The following SYNCRIP variants were observed in gnomAD, a reference collection of about 807,000 sequenced individuals.
SYNCRIP encodes the protein heterogeneous nuclear ribonucleoprotein Q.
Under a neutral mutation model 68.9 loss-of-function variants are expected in SYNCRIP, and 9 were observed. The observed-to-expected ratio is 0.13, with a 90% CI of 0.08 to 0.23. SYNCRIP has a LOEUF of 0.23. Ranked by LOEUF, SYNCRIP falls within the 10% of genes least tolerant of loss-of-function variation. The probability of loss-of-function intolerance (pLI) is 1.00; values close to 1 mark genes in which losing one functional copy is unlikely to be tolerated. For missense variants in SYNCRIP, 414 were observed against 770.6 expected (o/e 0.54, Z 5.48); for synonymous variants, 258 against 254.0 (o/e 1.02, Z -0.15).
intron 2 of SYNCRIP, among the ~76,000 whole-genome samples, chr6:85,640,837 A>T (rs902360989): frequency 3.9e-5 from 6 of 151,932 alleles, no homozygotes; most frequent in Admixed American, 3.3e-4. Flanking sequence ...TTTTTACAGT[A>T]TACAGACTTA....
rs1562109981 is a variant in SYNCRIP, at chr6:85,637,056, G to C, written c.577C>G (p.Leu193Val). 1 of 1,614,128 alleles carries C rather than the reference G, an allele frequency of 6.2e-7. No homozygotes were observed. The highest frequency in any genetic ancestry group is 8.5e-7 in the Non-Finnish European group (1 of 1,180,012). Residue 193 changes from leucine to valine, a missense_variant, in exon 6 of 11, where the codon CTA (leucine) becomes GTA (valine). Physicochemically the swap from Leu to Val is conservative, Grantham distance 32. Around this residue, in one of 6 missense-constraint regions of SYNCRIP, gnomAD observed 110 missense variants for 269.3 expected, o/e 0.41. Coordinates refer to ENST00000369622, the MANE Select transcript of SYNCRIP (RefSeq NM_006372.5). Reference protein sequence around the residue: ...EKAGPIWDLRLMMDPLTGLNR... With the variant: ...EKAGPIWDLRVMMDPLTGLNR... ...AGACCAGTGAGTGGATCCATCATTAGACGAAGATCCCATATAGGTCCAGCT... is the reference window on the plus strand; with the variant it reads ...AGACCAGTGAGTGGATCCATCATTACACGAAGATCCCATATAGGTCCAGCT...
chr6:85,615,005 A>ACCT lies in SYNCRIP; in HGVS notation c.1620_1622dup (p.Gly541dup). ...CCCCGCGGCCTCTTTGTTGTTGGGC[A>ACCT]CCTCCTCTCGCACCTCGAACGCCTC... On this transcript the variant is annotated inframe_insertion, in exon 11 of 11. Transcript: ENST00000369622. 1 of 1,613,146 alleles carries ACCT rather than the reference A, an allele frequency of 6.2e-7. No homozygotes were observed. Among genetic ancestry groups the ACCT allele is most frequent in the Non-Finnish European group, 8.5e-7 (1 of 1,179,702 alleles).
chr6:85,607,830 A>G (rs1804957060), downstream of SYNCRIP: 1 of 152,118 alleles, frequency 6.6e-6, no homozygotes, highest in Non-Finnish European at 1.5e-5. Context: ...CTCAAAGTCA[A>G]ACTTCCAGGA....
chr6:85,610,176 T>A (rs1805133958), downstream of SYNCRIP: 2 of 151,880 alleles, frequency 1.3e-5, no homozygotes, highest in Admixed American at 6.6e-5. Context: ...AATACCACAG[T>A]TAGTATTTCT....
chr6:85,608,242 A>G (rs1804983115), downstream of SYNCRIP: 1 of 152,096 alleles, frequency 6.6e-6, no homozygotes, highest in Admixed American at 6.5e-5. Flanking sequence ...ACCTCTAAAG[A>G]TTCCAAGTGT....
intron 6 of SYNCRIP, among the ~76,000 whole-genome samples, chr6:85,625,931 G>A (rs1806983404): frequency 6.6e-6 from 1 of 152,134 alleles, no homozygotes; most frequent in African/African-American, 2.4e-5. Flanking sequence ...GAAAGAAGTG[G>A]GGACTTGCTG....
rs1305059970 is a variant in SYNCRIP at position 85,614,447 on chromosome 6, C to G, written c.*309G>C. 2 of 1,055,044 alleles carry G rather than the reference C, an allele frequency of 1.9e-6. No homozygotes were observed. The highest frequency in any genetic ancestry group is 1.5e-4 in the East Asian group (2 of 13,762). The allele number at this position is 1,055,044 out of a possible 1,614,324, so 65.4% of individuals were successfully genotyped here. ...TACCTTTGAAGACACCAAATCTAAA[C>G]ACTACTGGAAACATCGTTGACACTA... On this transcript the variant is annotated 3_prime_UTR_variant, in exon 11 of 11. Coordinates refer to ENST00000369622, the MANE Select transcript of SYNCRIP (RefSeq NM_006372.5).
chr6:85,627,882 C>A (rs868537108), intron 6 of SYNCRIP, among the ~76,000 whole-genome samples: 4 of 152,156 alleles, frequency 2.6e-5, no homozygotes, highest in African/African-American at 9.7e-5. Flanking sequence ...CAGTCTGGAA[C>A]GTTCCTGTCA....
At chr6:85,638,006 T>A (rs990753617) in intron 4 of SYNCRIP, among the ~76,000 whole-genome samples, 1 of 152,172 alleles carries the variant, frequency 6.6e-6, no homozygotes, top group Non-Finnish European at 1.5e-5. Flanking sequence ...TCCCAAAAAG[T>A]AACTGTTAAA....
rs1211180002 is a variant in SYNCRIP, at chr6:85,641,280, G to A, written c.148+12C>T. 1.9e-6 allele frequency: 3 copies of A among 1,604,352 alleles called. No individual in the cohort carries two copies. Among genetic ancestry groups the A allele is most frequent in the Non-Finnish European group, 1.7e-6 (2 of 1,176,506 alleles). On this transcript the variant is annotated intron_variant, in intron 2 of 10. Coordinates refer to ENST00000369622, the MANE Select transcript of SYNCRIP (RefSeq NM_006372.5). ...AATTTCATAATGTAATTTTGCAAGT[G>A]TTAGTTCTTACCTGCAACGTAAATT...
chr6:85,623,579 A>AAAAAAACAAAAAAAAAAAAAC (rs1554184894), intron 7 of SYNCRIP, among the ~76,000 whole-genome samples: 2 of 125,874 alleles, frequency 1.6e-5, no homozygotes, highest in African/African-American at 2.6e-5. Context: ...AAAAAAAAAA[A>AAAAAAACAAAAAAAAAAAAAC]AAAACACTCT....
intron 8 of SYNCRIP, among the ~76,000 whole-genome samples, chr6:85,619,790 C>A (rs1806182511): frequency 7.2e-6 from 1 of 138,446 alleles, no homozygotes; most frequent in South Asian, 2.2e-4. Context: ...GGTGGGAATG[C>A]AAAAGGGTAT....
chr6:85,630,682 T>C (rs759983130), intron 6 of SYNCRIP, among the ~76,000 whole-genome samples: 5 of 152,082 alleles, frequency 3.3e-5, no homozygotes, highest in Non-Finnish European at 5.9e-5. Flanking sequence ...GAATTGTAAA[T>C]GGAGGCTATT....
intron 1 of SYNCRIP, among the ~76,000 whole-genome samples, chr6:85,642,280 C>A (rs1809273219): frequency 1.3e-5 from 2 of 152,140 alleles, no homozygotes; most frequent in African/African-American, 4.8e-5. Flanking sequence ...GCGCCGACGA[C>A]CCCCGGCCGC....
At chr6:85,617,131 G>A (rs1431665044) in intron 10 of SYNCRIP, among the ~76,000 whole-genome samples, 1 of 151,366 alleles carries the variant, frequency 6.6e-6, no homozygotes, top group Non-Finnish European at 1.5e-5. Flanking sequence ...TCAAACTAAG[G>A]GATAGAGTAC....
chr6:85,613,191 A>T (rs1805385357), downstream of SYNCRIP, among the ~76,000 whole-genome samples: 1 of 140,574 alleles, frequency 7.1e-6, no homozygotes, highest in South Asian at 2.2e-4. Flanking sequence ...GATTTTATTT[A>T]AAAAAAAAAA....
At chr6:85,611,894 G>A (rs566698293), downstream of SYNCRIP, 1 of 152,620 alleles carries the variant, frequency 6.6e-6, no homozygotes, top group South Asian at 2.1e-4. Flanking sequence ...GTCAGGCTTC[G>A]CTGTACAATT....
chr6:85,611,111 TTTAGA>T (rs1303044879), downstream of SYNCRIP: 1 of 152,058 alleles, frequency 6.6e-6, no homozygotes, highest in African/African-American at 2.4e-5. Flanking sequence ...AAATGATTTA[TTTAGA>T]TAACAAAAAA....
At position 85,622,530 on chromosome 6, in the gene SYNCRIP, A is replaced by G; in HGVS notation, c.960T>C (p.Val320=). 6.2e-7 allele frequency: 1 copy of G among 1,614,164 alleles called. No homozygotes were observed. Among genetic ancestry groups the G allele is most frequent in the East Asian group, 2.2e-5 (1 of 44,884 alleles). ...KVKVWGNVGT[V]EWADPIEDPD... The stretch of plus-strand genomic sequence containing the variant: ...GATCTTCTATAGGATCAGCCCATTC[A>G]ACAGTTCCAACATTCCCCCAGACCT... Residue 320 remains valine, a synonymous_variant, in exon 8 of 11, where the codon GTT becomes GTC. Coordinates refer to ENST00000369622, the MANE Select transcript of SYNCRIP (RefSeq NM_006372.5).
Sources: gnomAD v4.1 joint callset for allele counts (sites outside exome capture counted in the v4.1 genomes callset) on GRCh38, gnomAD v4.1.1 for gene constraint, gnomAD v4.1.1 regional missense constraint, MANE v1.5 for transcripts, NCBI Gene and HGNC (gene_info 2026-07-23, HGNC 2026-07-21) for gene names.